The following NRG4 variants were observed in gnomAD, a reference collection of about 807,000 sequenced individuals.
The protein encoded by NRG4 is neuregulin 4.
A neutral mutation model predicts 15.0 loss-of-function variants in NRG4; 10 were observed. The observed-to-expected ratio is 0.67, with a 90% confidence interval of 0.41 to 1.13. NRG4 has a LOEUF of 1.13. Among genes scored for constraint, NRG4 ranks in the 50% most tolerant of loss-of-function variants. The pLI, the probability that NRG4 is intolerant of heterozygous loss-of-function variation, is 0.00. For missense variants in NRG4, 139 were observed against 140.2 expected (o/e 0.99, Z 0.04); for synonymous variants, 41 against 50.1 (o/e 0.82, Z 0.77).
chr15:76,049,076 T>A (rs1284736148), intron 4 of NRG4, among the ~76,000 whole-genome samples: 1 of 150,230 alleles, frequency 6.7e-6, no homozygotes, highest in Non-Finnish European at 1.5e-5. Context: ...ACAGGATATG[T>A]CTGTCAACAT....
intron 3 of NRG4, among the ~76,000 whole-genome samples, chr15:75,994,171 A>C (rs1285973983): frequency 6.6e-6 from 1 of 152,170 alleles, no homozygotes; most frequent in Non-Finnish European, 1.5e-5. Context: ...GCTTAACTGA[A>C]ACTCTAAACT....
At chr15:75,958,804 G>A (rs1051525665) in intron 4 of NRG4, among the ~76,000 whole-genome samples, 5 of 151,920 alleles carry the variant, frequency 3.3e-5, no homozygotes, top group African/African-American at 1.2e-4. Flanking sequence ...CTAAGTTCTG[G>A]CACAAGTCTG....
At chr15:75,986,675 G>A (rs945562936) in intron 3 of NRG4, among the ~76,000 whole-genome samples, 5 of 151,908 alleles carry the variant, frequency 3.3e-5, no homozygotes, top group African/African-American at 1.2e-4. Flanking sequence ...CTTGATTTTT[G>A]GACCATATAA....
intron 5 of NRG4, among the ~76,000 whole-genome samples, chr15:75,944,150 C>G (rs2031291122): frequency 6.6e-6 from 1 of 152,122 alleles, no homozygotes. Context: ...GCCAGCAAGT[C>G]CTGAGACTAA....
At chr15:75,981,533 G>A (rs1235607815) in intron 3 of NRG4, among the ~76,000 whole-genome samples, 1 of 152,110 alleles carries the variant, frequency 6.6e-6, no homozygotes, top group African/African-American at 2.4e-5. Context: ...TGTGGCATTG[G>A]ATTTTGGACC....
Position 75,943,555 on chromosome 15 carries a change from AT to A in NRG4, c.*82del. 1 of 842,492 alleles carries A rather than the reference AT, an allele frequency of 1.2e-6. No individual in the cohort carries two copies. The highest frequency in any genetic ancestry group is 1.5e-5 in the South Asian group (1 of 68,148). The allele number at this position is 842,492 out of a possible 1,614,324, so 52.2% of individuals were successfully genotyped here. ...TTTTATTTAAGAAATAAAGGATTAG[AT>A]TTTTAATTCTTTTACCTAGTGGTGT... On this transcript the variant is annotated 3_prime_UTR_variant, in exon 6 of 6. Coordinates refer to ENST00000394907, the MANE Select transcript of NRG4 (RefSeq NM_138573.4).
chr15:76,026,220 A>G (rs1443580283), intron 5 of NRG4, among the ~76,000 whole-genome samples: 2 of 152,220 alleles, frequency 1.3e-5, no homozygotes, highest in Non-Finnish European at 2.9e-5. Context: ...GATTCAACCT[A>G]AACAAGTCCT....
rs113628231 is a variant in NRG4, at chr15:76,054,338, G to T, written c.-261-1355C>A. 4.7e-3 allele frequency among the ~76,000 whole-genome samples: 715 copies of T among 151,684 alleles called. 45 individuals are homozygous for T. Among genetic ancestry groups the T allele is most frequent in the African/African-American group, 0.016 (674 of 41,122 alleles). On this transcript the variant is annotated intron_variant, in intron 2 of 8. Coordinates refer to the NRG4 transcript ENST00000563910. ...ACTCCTTAGCTCAAGCGATCTGCCCGCCTCAGCCTCCCAAAGTGCTAGGAT... is the reference window on the plus strand; with the variant it reads ...ACTCCTTAGCTCAAGCGATCTGCCCTCCTCAGCCTCCCAAAGTGCTAGGAT...
chr15:76,050,352 G>A (rs1276689550), intron 4 of NRG4, among the ~76,000 whole-genome samples: 9 of 148,708 alleles, frequency 6.1e-5, no homozygotes, highest in South Asian at 4.2e-4. Flanking sequence ...TTTTTCCTTC[G>A]TAGAGGTTAG....
intron 3 of NRG4, among the ~76,000 whole-genome samples, chr15:75,976,792 C>T (rs1398960398): frequency 6.6e-6 from 1 of 152,202 alleles, no homozygotes; most frequent in East Asian, 1.9e-4. Context: ...GTCTCCCAGT[C>T]AGGAGGCATG....
intron 2 of NRG4, 128 bp from the exon 3 acceptor site, chr15:76,009,421 CAAAAT>C (rs2034726707): frequency 1.9e-6 from 1 of 540,164 alleles, no homozygotes; most frequent in African/African-American, 2.0e-5. Flanking sequence ...TTTTTTTTCT[CAAAAT>C]GAAAGATTTA....
At chr15:76,023,303 C>T (rs1396999645) in intron 5 of NRG4, among the ~76,000 whole-genome samples, 2 of 91,876 alleles carry the variant, frequency 2.2e-5, no homozygotes, top group African/African-American at 5.7e-5. Context: ...CCAGAAGGTA[C>T]CTACAGTGAT....
At chr15:76,016,137 G>C (rs1413982733), upstream of NRG4, among the ~76,000 whole-genome samples, 1 of 152,170 alleles carries the variant, frequency 6.6e-6, no homozygotes, top group Non-Finnish European at 1.5e-5. Context: ...TTTGCATAGA[G>C]GTGTTTATGG....
intron 3 of NRG4, among the ~76,000 whole-genome samples, chr15:75,991,393 C>A (rs1031926744): frequency 6.6e-6 from 1 of 152,126 alleles, no homozygotes; most frequent in Non-Finnish European, 1.5e-5. Flanking sequence ...TAACATCATA[C>A]AAAAACAGGC....
At chr15:76,059,400 C>G (rs1387710196) in intron 1 of NRG4, among the ~76,000 whole-genome samples, 1 of 152,226 alleles carries the variant, frequency 6.6e-6, no homozygotes, top group African/African-American at 2.4e-5. Flanking sequence ...ACCGGGCGCC[C>G]CGCGCGGATG....
chr15:75,982,339 A>G (rs2033638945), intron 3 of NRG4, among the ~76,000 whole-genome samples: 1 of 152,204 alleles, frequency 6.6e-6, no homozygotes, highest in South Asian at 2.1e-4. Context: ...CAGGACTAAT[A>G]ATACAATTCA....
chr15:75,954,933 A>G (rs1177123978), intron 5 of NRG4, among the ~76,000 whole-genome samples: 1 of 152,132 alleles, frequency 6.6e-6, no homozygotes, highest in East Asian at 1.9e-4. Flanking sequence ...GAACTGTAGC[A>G]GTGCTTAATC....
At chr15:75,995,453 G>A (rs763851742) in intron 3 of NRG4, among the ~76,000 whole-genome samples, 2 of 152,008 alleles carry the variant, frequency 1.3e-5, no homozygotes, top group Non-Finnish European at 2.9e-5. Flanking sequence ...ATTACCATGA[G>A]GAGGGCACCA....
chr15:76,057,985 C>T (rs1213110582), intron 1 of NRG4, among the ~76,000 whole-genome samples: 2 of 145,240 alleles, frequency 1.4e-5, no homozygotes, highest in Non-Finnish European at 3.1e-5. Flanking sequence ...CTTCAAATTT[C>T]TCTCAGCAAG....
Sources: allele counts gnomAD v4.1 joint callset (sites outside exome capture counted in the v4.1 genomes callset), GRCh38; gene constraint gnomAD v4.1.1; transcripts MANE v1.5; gene names NCBI Gene and HGNC (gene_info 2026-07-23, HGNC 2026-07-21).